Variants in FN1 observed in about 807,000 individuals in gnomAD.
FN1 encodes fibronectin 1.
Under a neutral mutation model 297.3 loss-of-function variants are expected in FN1, and 106 were observed. That is an observed-to-expected ratio of 0.36 (90% confidence interval 0.30 to 0.42). The LOEUF (loss-of-function observed/expected upper bound fraction) is 0.42, where lower values mean the gene tolerates loss of function less well. FN1 is among the 10% of genes least tolerant of loss of function. FN1 has a pLI of 1.00. For missense variants in FN1, 2,690 were observed against 3,124.9 expected (o/e 0.86, Z 3.32); for synonymous variants, 1,149 against 1,152.6 (o/e 1.00, Z 0.06).
At chr2:215,370,553 A>AAG in intron 40 of FN1, 121 bp from the exon 41 acceptor site, 1 of 467,172 alleles carries the variant, frequency 2.1e-6, no homozygotes, top group Non-Finnish European at 3.4e-6. Flanking sequence ...AAAACAAAAA[A>AAG]CAAAAAAAAA....
intron 17 of FN1, 32 bp downstream of exon 17, chr2:215,408,076 A>G (rs563359500): frequency 5.2e-6 from 8 of 1,551,968 alleles, no homozygotes; most frequent in African/African-American, 1.4e-5. Flanking sequence ...TAAGATTAAC[A>G]TAGCAGCCAA....
chr2:215,392,152 A>G (rs1211106290), intron 25 of FN1: 5 of 309,304 alleles, frequency 1.6e-5, no homozygotes, highest in Non-Finnish European at 3.1e-5. Context: ...GCCACACAGC[A>G]AAGAGAAACA....
rs149278155 is a variant in FN1 at position 215,384,935 on chromosome 2, G to A, written c.4654C>T (p.Pro1552Ser). ...PRDLEVVAAT[P>S]TSLLISWDAP... ...TCCCAGCTGATCAGTAGGCTGGTGG[G>A]GGTCGCAGCAACAACTTCCAGGTCC... Residue 1552 changes from proline to serine, a missense_variant, in exon 29 of 46, where the codon CCC becomes TCC. Coordinates refer to ENST00000354785, the MANE Select transcript of FN1 (RefSeq NM_212482.4). The A allele has an allele frequency of 1.9e-5, 30 of 1,613,942 alleles. No individual in the cohort carries two copies. In the African/African-American group the frequency reaches 3.9e-4, roughly 21 times the overall value.
Position 215,404,594 on chromosome 2 carries a change from T to C in FN1, c.3048A>G (p.Arg1016=). The change falls in exon 20 of 46, where the codon AGA becomes AGG. Residue 1016 remains arginine, a synonymous_variant. Coordinates refer to ENST00000354785, the MANE Select transcript of FN1 (RefSeq NM_212482.4). ...TTATCTGGGCCCGAGGTGGAGTCCATCTCACCAGGACAGTAGAATCAGTTT... is the reference window on the plus strand; with the variant it reads ...TTATCTGGGCCCGAGGTGGAGTCCACCTCACCAGGACAGTAGAATCAGTTT... The part of the protein sequence containing the change: ...VNETDSTVLV[R]WTPPRAQITG... 2 of 1,613,380 alleles carry C rather than the reference T, an allele frequency of 1.2e-6. No individual in the cohort carries two copies. Among genetic ancestry groups the C allele is most frequent in the Non-Finnish European group, 1.7e-6 (2 of 1,179,352 alleles).
In FN1 at chr2:215,361,078, G is replaced by A. The variant is rs1281735840; in HGVS notation, c.*477C>T. ...AAAGATATTTCTAGGCAATTACTAG[G>A]ATCATTTGGAAAAAGTGAGTACTGT... On this transcript the variant is annotated 3_prime_UTR_variant, in exon 46 of 46. Coordinates refer to ENST00000354785, the MANE Select transcript of FN1 (RefSeq NM_212482.4). 1.3e-5 allele frequency: 2 copies of A among 156,594 alleles called. No homozygotes were observed. Among genetic ancestry groups the A allele is most frequent in the Non-Finnish European group, 2.8e-5 (2 of 70,354 alleles). 9.7% of individuals were successfully genotyped at this position (156,594 alleles called of 1,614,324 possible).
rs77742528 is a variant in FN1 at position 215,376,719 on chromosome 2, C to T, written c.5711-45G>A. On this transcript the variant is annotated intron_variant, in intron 35 of 45. Coordinates refer to ENST00000354785, the MANE Select transcript of FN1 (RefSeq NM_212482.4). ...GAGATTAGTGCCTGCTTGGCTCATC[C>T]ATGTAAAGTTTTGGTATTTTAAAAC... The T allele has an allele frequency of 3.1e-3, 4,838 of 1,582,662 alleles. 11 individuals are homozygous for T. Among genetic ancestry groups the T allele is most frequent in the Non-Finnish European group, 3.8e-3 (4,365 of 1,155,172 alleles).
In FN1 at chr2:215,436,064, C is replaced by A. The variant is rs765159001; in HGVS notation, c.-262G>T. On this transcript the variant is annotated 5_prime_UTR_variant, in exon 1 of 46. Coordinates refer to ENST00000354785, the MANE Select transcript of FN1 (RefSeq NM_212482.4). Reference sequence around the variant, plus strand: ...CTCCCCCTGTGCAGCACAGCCGGCGCGGGCGTCCGAGCGCCGGGAGCCGGG... The same window carrying A: ...CTCCCCCTGTGCAGCACAGCCGGCGAGGGCGTCCGAGCGCCGGGAGCCGGG... 201 of 582,368 alleles carry A rather than the reference C, an allele frequency of 3.5e-4. 1 individual carries two copies. The highest frequency in any genetic ancestry group is 7.2e-4 in the South Asian group (18 of 25,152). The allele number at this position is 582,368 out of a possible 1,614,324, so 36.1% of individuals were successfully genotyped here. A position where few individuals can be genotyped will look rare whatever the true frequency, so the allele number is the denominator to read the frequency against.
At position 215,361,644 on chromosome 2, in the gene FN1, G is replaced by GA; in HGVS notation, c.7363-19_7363-18insT. 6.3e-7 allele frequency: 1 copy of GA among 1,594,462 alleles called. No individual in the cohort carries two copies. Among genetic ancestry groups the GA allele is most frequent in the African/African-American group, 1.3e-5 (1 of 74,298 alleles). ...TTAACATTCTGTTAAAAAGGAAGAA[G>GA]GAAAAAAAAATTAGTGGCAAATACT... is the stretch of plus-strand genomic sequence containing the variant. On this transcript the variant is annotated intron_variant, in intron 45 of 45. Coordinates refer to ENST00000354785, the MANE Select transcript of FN1 (RefSeq NM_212482.4).
Position 215,404,499 on chromosome 2 carries a change from A to T in FN1, c.3143T>A (p.Val1048Asp). The part of the protein sequence containing the change: ...QPRQYNVGPS[V>D]SKYPLRNLQP... ...CAGATTCCTCAGTGGGTACTTGGAG[A>T]CAGAGGGACCCACATTGTACTGCCT... Residue 1048 changes from valine (V) to aspartate (D), a missense_variant, in exon 20 of 46, where the codon GTC becomes GAC. Val to Asp is a radical substitution (Grantham distance 152). Transcript: ENST00000354785. 3 of 1,614,034 alleles carry T rather than the reference A, an allele frequency of 1.9e-6. No homozygotes were observed. Among genetic ancestry groups the T allele is most frequent in the Non-Finnish European group, 2.5e-6 (3 of 1,179,988 alleles).
rs1209809721 is a variant in FN1 at position 215,404,632 on chromosome 2, G to A, written c.3010C>T (p.Gln1004Ter). 6.2e-7 allele frequency: 1 copy of A among 1,613,910 alleles called. No homozygotes were observed. Among genetic ancestry groups the A allele is most frequent in the South Asian group, 1.1e-5 (1 of 91,070 alleles). Residue 1004 changes from glutamine (Q) to a stop codon, truncating the protein, a stop_gained, in exon 20 of 46, where the codon CAG becomes TAG. Transcript: ENST00000354785. LOFTEE classifies it high-confidence loss of function. ...TTKLDAPTNL[Q>*]FVNETDSTVL... ...GTAGAATCAGTTTCATTGACAAACT[G>A]GAGGTTAGTGGGAGCATCCAGTTCT...
chr2:215,407,425 G>T (rs186021886), intron 17 of FN1, 104 bp from the exon 18 acceptor site: 10 of 929,774 alleles, frequency 1.1e-5, no homozygotes, highest in Admixed American at 5.3e-5. Flanking sequence ...CATCTTGCTT[G>T]ATTAGTGAAG....
At chr2:215,396,720 T>C (rs1375683521) in intron 23 of FN1, among the ~76,000 whole-genome samples, 1 of 152,222 alleles carries the variant, frequency 6.6e-6, no homozygotes, top group East Asian at 1.9e-4. Flanking sequence ...ATATTTGTGG[T>C]GCAACCCATG....
rs1219953089 is a variant in FN1 at position 215,381,043 on chromosome 2, C to T, written c.5202G>A (p.Val1734=). ...DRPKGLAFTD[V]DVDSIKIAWE... ...AAGCAATTTTGATGGAATCGACATC[C>T]ACATCAGTGAATGCCAGTCCTTTAG... The change falls in exon 33 of 46, where the codon GTG becomes GTA. Residue 1734 remains valine (V), a synonymous_variant. Coordinates refer to ENST00000354785, the MANE Select transcript of FN1 (RefSeq NM_212482.4). The T allele has an allele frequency of 1.2e-6, 2 of 1,614,094 alleles. No homozygotes were observed. The highest frequency in any genetic ancestry group is 1.3e-5 in the African/African-American group (1 of 74,936).
intron 1 of FN1, among the ~76,000 whole-genome samples, chr2:215,435,449 G>C (rs575536227): frequency 6.6e-6 from 1 of 152,256 alleles, no homozygotes; most frequent in East Asian, 1.9e-4. Flanking sequence ...CAGAGTCCTC[G>C]TCCTCCAATG....
At chr2:215,395,552 C>T (rs905618235) in intron 23 of FN1, among the ~76,000 whole-genome samples, 2 of 142,638 alleles carry the variant, frequency 1.4e-5, no homozygotes, top group African/African-American at 2.6e-5. Flanking sequence ...AAAAAAAAAA[C>T]AAAACAAACA....
intron 19 of FN1, among the ~76,000 whole-genome samples, chr2:215,405,360 C>A (rs1362045729): frequency 1.3e-5 from 2 of 152,154 alleles, no homozygotes; most frequent in Non-Finnish European, 2.9e-5. Flanking sequence ...GGTTATAGAG[C>A]CAGCTCTATC....
chr2:215,416,559 T>C (rs1325387630), intron 12 of FN1, among the ~76,000 whole-genome samples: 1 of 152,200 alleles, frequency 6.6e-6, no homozygotes, highest in Non-Finnish European at 1.5e-5. Context: ...TTTATGATAA[T>C]TGGCATAGGG....
At chr2:215,418,770 C>A (rs1187087222) in intron 12 of FN1, among the ~76,000 whole-genome samples, 1 of 152,160 alleles carries the variant, frequency 6.6e-6, no homozygotes, top group Non-Finnish European at 1.5e-5. Context: ...CTGGTGGCAA[C>A]TGATCAAACA....
At chr2:215,405,442 G>A (rs539770838) in intron 19 of FN1, among the ~76,000 whole-genome samples, 10 of 152,098 alleles carry the variant, frequency 6.6e-5, no homozygotes, top group Non-Finnish European at 8.8e-5. Flanking sequence ...TATTCAATAC[G>A]GATACTAGTA....
Sources: allele counts gnomAD v4.1 joint callset (sites outside exome capture counted in the v4.1 genomes callset), GRCh38; gene constraint gnomAD v4.1.1; transcripts MANE v1.5; gene names NCBI Gene and HGNC (gene_info 2026-07-23, HGNC 2026-07-21).